The following DCLK2 variants were observed in gnomAD, a reference collection of about 807,000 sequenced individuals.
DCLK2 encodes serine/threonine-protein kinase DCLK2.
DCLK2 carries 31 observed loss-of-function variants against 78.4 expected under a neutral mutation model. The ratio of observed to expected loss-of-function variants is 0.40; its 90% CI spans 0.30 to 0.53. DCLK2 has a LOEUF of 0.53. Ranked by LOEUF, DCLK2 falls within the 20% of genes least tolerant of loss-of-function variation. The pLI is 0.61. For missense variants in DCLK2, 872 were observed against 973.7 expected (o/e 0.90, Z 1.39); for synonymous variants, 407 against 374.9 (o/e 1.09, Z -0.99).
At chr4:150,119,898 T>C (rs1446703168) in intron 2 of DCLK2, among the ~76,000 whole-genome samples, 1 of 152,196 alleles carries the variant, frequency 6.6e-6, no homozygotes, top group Non-Finnish European at 1.5e-5. Context: ...TAAAAGTGAA[T>C]TCAAGTGACT....
At chr4:150,193,076 T>A in intron 2 of DCLK2, 62 bp from the exon 3 acceptor site, 1 of 985,600 alleles carries the variant, frequency 1.0e-6, no homozygotes, top group Admixed American at 2.0e-5. Context: ...TCATTTAGTT[T>A]TGCTTTTCAT....
intron 2 of DCLK2, among the ~76,000 whole-genome samples, chr4:150,158,225 T>A (rs963934839): frequency 6.6e-6 from 1 of 152,202 alleles, no homozygotes; most frequent in African/African-American, 2.4e-5. Context: ...CACCCTGGCA[T>A]CTGTGTGTGT....
intron 2 of DCLK2, among the ~76,000 whole-genome samples, chr4:150,165,786 G>A (rs1168434341): frequency 6.6e-6 from 1 of 152,166 alleles, no homozygotes; most frequent in Non-Finnish European, 1.5e-5. Context: ...TTCATGTGTT[G>A]GAAACTTAAT....
intron 15 of DCLK2, among the ~76,000 whole-genome samples, chr4:150,255,487 T>C (rs1380891936): frequency 6.6e-6 from 1 of 152,238 alleles, no homozygotes. Context: ...AGAAGACAGG[T>C]GAGGATATCA....
chr4:150,154,701 G>A (rs1031740834), intron 2 of DCLK2, among the ~76,000 whole-genome samples: 5 of 151,992 alleles, frequency 3.3e-5, no homozygotes, highest in African/African-American at 1.2e-4. Context: ...TGGGGTGATG[G>A]TTTTTATTGT....
At chr4:150,142,111 C>G (rs1448752044) in intron 2 of DCLK2, among the ~76,000 whole-genome samples, 1 of 152,152 alleles carries the variant, frequency 6.6e-6, no homozygotes, top group South Asian at 2.1e-4. Context: ...ATGAACCTGT[C>G]ATTGTGAATG....
chr4:150,123,986 G>A (rs1732750401), intron 2 of DCLK2, among the ~76,000 whole-genome samples: 2 of 151,214 alleles, frequency 1.3e-5, no homozygotes, highest in South Asian at 4.2e-4. Flanking sequence ...GTTGCAGTCA[G>A]CCAAGATCAC....
chr4:150,135,165 T>TACACACACACACACAC (rs57866267), intron 2 of DCLK2, among the ~76,000 whole-genome samples: 2,480 of 146,894 alleles, frequency 0.017, 40 homozygotes, highest in African/African-American at 0.038. Context: ...CATACACGTG[T>TACACACACACACACAC]ACACACACAC....
At position 150,200,920 on chromosome 4, in the gene DCLK2, C is replaced by T. The variant is rs146339878; in HGVS notation, c.961+2817C>T. 2.2e-3 allele frequency among the ~76,000 whole-genome samples: 331 copies of T among 152,294 alleles called. 1 individual carries two copies. Among genetic ancestry groups the T allele is most frequent in the East Asian group, 0.013 (67 of 5,176 alleles). On this transcript the variant is annotated intron_variant, in intron 4 of 15. Coordinates refer to ENST00000296550, the MANE Select transcript of DCLK2 (RefSeq NM_001040260.4). ...TGAACCTCCGCCTCAGGAGTTCAAGCGATTCTCCTGCCTCAGCCTCCCGAG... is the reference window on the plus strand; with the variant it reads ...TGAACCTCCGCCTCAGGAGTTCAAGTGATTCTCCTGCCTCAGCCTCCCGAG...
chr4:150,216,351 C>A (rs970106158), intron 5 of DCLK2, among the ~76,000 whole-genome samples: 3 of 152,146 alleles, frequency 2.0e-5, no homozygotes, highest in African/African-American at 7.2e-5. Context: ...TTAAAAAGTT[C>A]TCAGCAGCTC....
intron 5 of DCLK2, among the ~76,000 whole-genome samples, chr4:150,204,989 G>A (rs1018897762): frequency 2.6e-5 from 4 of 152,084 alleles, no homozygotes; most frequent in Non-Finnish European, 4.4e-5. Context: ...TCATGTATGT[G>A]TATACATAAA....
intron 2 of DCLK2, among the ~76,000 whole-genome samples, chr4:150,128,894 A>G (rs967423754): frequency 6.6e-6 from 1 of 152,188 alleles, no homozygotes; most frequent in Non-Finnish European, 1.5e-5. Flanking sequence ...TAAAAAGAGC[A>G]TTAACTTTCC....
At chr4:150,184,595 CTTCTTCTT>C (rs1333602333) in intron 2 of DCLK2, among the ~76,000 whole-genome samples, 1,369 of 33,272 alleles carry the variant, frequency 0.041, 8 homozygotes, top group African/African-American at 0.11. Context: ...TCTTCTTCTT[CTTCTTCTT>C]TTTTTTTTTT....
intron 10 of DCLK2, among the ~76,000 whole-genome samples, chr4:150,233,765 A>G (rs1019295840): frequency 6.6e-6 from 1 of 151,976 alleles, no homozygotes; most frequent in African/African-American, 2.4e-5. Flanking sequence ...CCTGTTAATA[A>G]CTCTTATCCA....
At position 150,078,607 on chromosome 4, in the gene DCLK2, T is replaced by A. The variant is rs1728987889; in HGVS notation, c.-421T>A. On this transcript the variant is annotated 5_prime_UTR_variant, in exon 1 of 16. Coordinates refer to ENST00000296550, the MANE Select transcript of DCLK2 (RefSeq NM_001040260.4). ...CCCCACCCTTCCTTCCTTCCTCCCCTCGGCGCTCCCGGGAGCGCTCGGCAG... is the reference window on the plus strand; with the variant it reads ...CCCCACCCTTCCTTCCTTCCTCCCCACGGCGCTCCCGGGAGCGCTCGGCAG... 6.6e-6 allele frequency: 1 copy of A among 151,258 alleles called. No homozygotes were observed. 9.4% of individuals were successfully genotyped at this position (151,258 alleles called of 1,614,324 possible). A position where few individuals can be genotyped will look rare whatever the true frequency, so the allele number is the denominator to read the frequency against.
intron 2 of DCLK2, among the ~76,000 whole-genome samples, chr4:150,114,924 T>G (rs1308711102): frequency 6.6e-6 from 1 of 152,246 alleles, no homozygotes; most frequent in African/African-American, 2.4e-5. Flanking sequence ...TGTATTTAGA[T>G]ATCTAAATCT....
chr4:150,131,679 A>T (rs749830271), intron 2 of DCLK2, among the ~76,000 whole-genome samples: 5 of 152,086 alleles, frequency 3.3e-5, no homozygotes, highest in Non-Finnish European at 7.4e-5. Flanking sequence ...GTTCCTTGTC[A>T]AAAGCTCTTT....
chr4:150,093,604 A>G (rs1227565908), intron 1 of DCLK2, among the ~76,000 whole-genome samples: 1 of 152,172 alleles, frequency 6.6e-6, no homozygotes, highest in African/African-American at 2.4e-5. Flanking sequence ...CTAGTCTCGA[A>G]ATCTTGGCCA....
intron 2 of DCLK2, among the ~76,000 whole-genome samples, chr4:150,133,963 A>C (rs1733510126): frequency 6.6e-6 from 1 of 151,808 alleles, no homozygotes; most frequent in South Asian, 2.1e-4. Flanking sequence ...TAACTAAAGG[A>C]GTTTCTTCAG....
Sources: gnomAD v4.1 joint callset for allele counts (sites outside exome capture counted in the v4.1 genomes callset) on GRCh38, gnomAD v4.1.1 for gene constraint, MANE v1.5 for transcripts, NCBI Gene and HGNC (gene_info 2026-07-23, HGNC 2026-07-21) for gene names.